Variants in CRACD observed in about 807,000 individuals in gnomAD.
CRACD encodes the protein capping protein inhibiting regulator of actin dynamics, also known as capping protein-inhibiting regulator of actin dynamics.
A neutral mutation model predicts 106.8 loss-of-function variants in CRACD; 56 were observed. The observed-to-expected ratio is 0.52, with a 90% CI of 0.42 to 0.66. The LOEUF (loss-of-function observed/expected upper bound fraction) is 0.66, where lower values mean the gene tolerates loss of function less well. Ranked by LOEUF, CRACD falls within the 30% of genes least tolerant of loss-of-function variation. CRACD has a pLI of 0.00. For synonymous variants in CRACD, 754 were observed against 670.8 expected (o/e 1.12, Z -1.92); for missense variants, 1,730 against 1,623.2 (o/e 1.07, Z -1.13).
intron 2 of CRACD, among the ~76,000 whole-genome samples, chr4:56,257,906 C>T (rs1461369410): frequency 6.6e-6 from 1 of 151,806 alleles, no homozygotes; most frequent in Non-Finnish European, 1.5e-5. Context: ...CCCGTCTCTA[C>T]TTAAAATACA....
intron 3 of CRACD, among the ~76,000 whole-genome samples, chr4:56,287,608 GTAGAGATGGGCTCTTGCTA>G (rs1743447304): frequency 6.6e-6 from 1 of 152,014 alleles, no homozygotes; most frequent in Non-Finnish European, 1.5e-5. Context: ...ATTATTTTTT[GTAGAGATGGGCTCTTGCTA>G]TGGTTCCCAG....
intron 2 of CRACD, among the ~76,000 whole-genome samples, chr4:56,263,065 GAAGTCTAGA>G (rs1741802754): frequency 6.6e-6 from 1 of 152,168 alleles, no homozygotes; most frequent in East Asian, 1.9e-4. Context: ...CAGGGAACTT[GAAGTCTAGA>G]AGGGGCTACC....
At chr4:56,093,453 T>A (rs1733495009) in intron 1 of CRACD, among the ~76,000 whole-genome samples, 1 of 152,182 alleles carries the variant, frequency 6.6e-6, no homozygotes, top group Non-Finnish European at 1.5e-5. Context: ...TGAATATAAT[T>A]ATTTCCGTTT....
intron 2 of CRACD, among the ~76,000 whole-genome samples, chr4:56,212,935 TCAAA>T (rs1482580684): frequency 1.3e-5 from 2 of 152,286 alleles, no homozygotes; most frequent in East Asian, 3.9e-4. Flanking sequence ...AGAAGTTTGC[TCAAA>T]CAAACTCAGA....
chr4:56,147,430 C>T (rs1040567001), intron 1 of CRACD, among the ~76,000 whole-genome samples: 1 of 152,062 alleles, frequency 6.6e-6, no homozygotes, highest in East Asian at 1.9e-4. Flanking sequence ...TTTTTCCAAC[C>T]TCCTTCCACA....
At chr4:56,135,073 A>T (rs1419833578) in intron 1 of CRACD, among the ~76,000 whole-genome samples, 2 of 152,116 alleles carry the variant, frequency 1.3e-5, no homozygotes, top group Non-Finnish European at 2.9e-5. Context: ...TACAAGGTCA[A>T]GAGTTCAAGA....
intron 1 of CRACD, among the ~76,000 whole-genome samples, chr4:56,087,292 C>T (rs1228083750): frequency 6.6e-6 from 1 of 152,130 alleles, no homozygotes; most frequent in Non-Finnish European, 1.5e-5. Flanking sequence ...GGATTACAGC[C>T]GTGAGCCACC....
At chr4:56,145,976 G>A (rs1735365228) in intron 1 of CRACD, among the ~76,000 whole-genome samples, 2 of 151,882 alleles carry the variant, frequency 1.3e-5, no homozygotes, top group Non-Finnish European at 2.9e-5. Flanking sequence ...TCTAGTTTCC[G>A]AGAGTTAAAT....
intron 1 of CRACD, among the ~76,000 whole-genome samples, chr4:56,062,696 T>C (rs1317295036): frequency 6.6e-6 from 1 of 152,238 alleles, no homozygotes; most frequent in Non-Finnish European, 1.5e-5. Flanking sequence ...ATCCAGGTTA[T>C]GTTGCCTTGT....
Position 56,315,774 on chromosome 4 carries a change from G to GC in CRACD, c.2278dup (p.Gln760ProfsTer163). 2 of 1,614,186 alleles carry GC rather than the reference G, an allele frequency of 1.2e-6. No individual in the cohort carries two copies. The highest frequency in any genetic ancestry group is 1.7e-6 in the Non-Finnish European group (2 of 1,180,032). The stretch of plus-strand genomic sequence containing the variant: ...CATGCTGGGACCCAGCGAAGAGACA[G>GC]CCCCCCAGCCTCCTCCTGCTGGTGT... On this transcript the variant is annotated frameshift_variant, in exon 8 of 11. Transcript: ENST00000682029. LOFTEE classifies it high-confidence loss of function. The surrounding 1 kb of genome is among the most constrained non-coding windows in gnomAD (Gnocchi z 4.1).
At chr4:56,236,613 C>T (rs13149904) in intron 2 of CRACD, among the ~76,000 whole-genome samples, 20,206 of 151,600 alleles carry the variant, frequency 0.13, 1,968 homozygotes, top group East Asian at 0.5. Context: ...TCACATAGGA[C>T]GATGGCTCAA....
At chr4:56,234,923 T>C (rs1739873426) in intron 2 of CRACD, among the ~76,000 whole-genome samples, 1 of 152,186 alleles carries the variant, frequency 6.6e-6, no homozygotes, top group Non-Finnish European at 1.5e-5. Flanking sequence ...GGGAACTGAT[T>C]TTCTGCTAAG....
At chr4:56,179,122 C>G (rs750513726) in intron 1 of CRACD, among the ~76,000 whole-genome samples, 162 bp from the exon 2 acceptor site, 1 of 151,904 alleles carries the variant, frequency 6.6e-6, no homozygotes. Flanking sequence ...CTAAACAGTG[C>G]AAATCGAATG....
intron 1 of CRACD, among the ~76,000 whole-genome samples, chr4:56,084,179 A>G (rs925666725): frequency 5.9e-5 from 9 of 152,310 alleles, no homozygotes; most frequent in African/African-American, 2.2e-4. Flanking sequence ...CTAACAAATA[A>G]CAAAAATAAT....
At chr4:56,319,029 T>C (rs1745874223) in intron 8 of CRACD, among the ~76,000 whole-genome samples, 2 of 152,174 alleles carry the variant, frequency 1.3e-5, no homozygotes, top group Admixed American at 1.3e-4. Context: ...TTACTCGTAT[T>C]ATTAGTAGTA....
intron 1 of CRACD, among the ~76,000 whole-genome samples, chr4:56,109,354 T>G (rs962326428): frequency 7.2e-5 from 11 of 152,340 alleles, no homozygotes; most frequent in Non-Finnish European, 1.3e-4. Context: ...TCTATTTTCT[T>G]TATTATACTG....
intron 7 of CRACD, 62 bp from the exon 8 acceptor site, chr4:56,313,978 A>C: frequency 1.3e-6 from 2 of 1,549,240 alleles, no homozygotes; most frequent in Non-Finnish European, 1.7e-6. Flanking sequence ...TGTGAATAGG[A>C]AAAGGAACGA....
At chr4:56,053,914 T>C (rs964552247) in intron 1 of CRACD, among the ~76,000 whole-genome samples, 6 of 152,214 alleles carry the variant, frequency 3.9e-5, no homozygotes, top group African/African-American at 1.4e-4. Context: ...TATAATTGCA[T>C]TTATTTTTGA....
At chr4:56,092,297 AGAGGATATCTATCCATCTTGGGCCCC>A (rs1325111649) in intron 1 of CRACD, among the ~76,000 whole-genome samples, 1 of 152,206 alleles carries the variant, frequency 6.6e-6, no homozygotes, top group Non-Finnish European at 1.5e-5. Context: ...GCTCTGAGGC[AGAGGATATCTATCCATCTTGGGCCCC>A]GAGGAATAGT....
Sources: allele counts gnomAD v4.1 joint callset (sites outside exome capture counted in the v4.1 genomes callset), GRCh38; gene constraint gnomAD v4.1.1; non-coding constraint Gnocchi (gnomAD v3.1); transcripts MANE v1.5; gene names NCBI Gene and HGNC (gene_info 2026-07-23, HGNC 2026-07-21).